Variants in AGPAT4 observed in about 807,000 individuals in gnomAD.
AGPAT4 encodes the protein 1-acyl-sn-glycerol-3-phosphate acyltransferase delta.
AGPAT4 carries 15 observed loss-of-function variants against 48.0 expected under a neutral mutation model. That is an observed-to-expected ratio of 0.31 (90% CI 0.21 to 0.48). The LOEUF (loss-of-function observed/expected upper bound fraction) is 0.48. Among genes scored for constraint, AGPAT4 ranks in the 20% least tolerant of loss-of-function variants. The probability of loss-of-function intolerance (pLI) is 0.99; values close to 1 mark genes in which losing one functional copy is unlikely to be tolerated. For synonymous variants in AGPAT4, 178 were observed against 198.7 expected (o/e 0.90, Z 0.88); for missense variants, 314 against 482.5 (o/e 0.65, Z 3.27).
intron 1 of AGPAT4, among the ~76,000 whole-genome samples, chr6:161,256,846 C>T (rs1782957515): frequency 6.6e-6 from 1 of 152,200 alleles, no homozygotes; most frequent in Admixed American, 6.5e-5. Flanking sequence ...GCCTAGGAGA[C>T]GAATAAGCCC....
In AGPAT4 at chr6:161,232,311, C is replaced by T; in HGVS notation, c.-89-9G>A. ...AGGACTCAGGAAGGCGTCTAAAACA[C>T]AAACAAATAGGAAATGTTAGCAAAA... On this transcript the variant is annotated splice_polypyrimidine_tract_variant and intron_variant, in intron 1 of 8. Coordinates refer to ENST00000320285, the MANE Select transcript of AGPAT4 (RefSeq NM_020133.3). This position sits in a 1 kb window ranked among gnomAD's most constrained non-coding sequence, Gnocchi z 6.8. The T allele has an allele frequency of 8.3e-7, 1 of 1,204,986 alleles. No individual in the cohort carries two copies. Among genetic ancestry groups the T allele is most frequent in the Non-Finnish European group, 1.1e-6 (1 of 881,492 alleles). 74.6% of individuals were successfully genotyped at this position (1,204,986 alleles called of 1,614,324 possible).
At position 161,264,449 on chromosome 6, in the gene AGPAT4, A is replaced by G. The variant is rs1270966346; in HGVS notation, c.-90+9489T>C. On this transcript the variant is annotated intron_variant, in intron 1 of 8. Coordinates refer to ENST00000320285, the MANE Select transcript of AGPAT4 (RefSeq NM_020133.3). The surrounding 1 kb of genome is among the most constrained non-coding windows in gnomAD (Gnocchi z 6.8). ...CTCCGTGAGAAGCGTGCACACTGGG[A>G]CCAATACTCCCCACTTCCAGACCTA... Among the ~76,000 whole-genome samples the G allele has an allele frequency of 6.6e-6, 1 of 152,108 alleles. No homozygotes were observed. The highest frequency in any genetic ancestry group is 1.5e-5 in the Non-Finnish European group (1 of 68,002).
At position 161,139,859 on chromosome 6, in the gene AGPAT4, T is replaced by A. The variant is rs1245897619; in HGVS notation, c.844-239A>T. Among the ~76,000 whole-genome samples, 1 of 152,178 alleles carries A rather than the reference T, an allele frequency of 6.6e-6. No homozygotes were observed. The highest frequency in any genetic ancestry group is 1.5e-5 in the Non-Finnish European group (1 of 68,020). The stretch of plus-strand genomic sequence containing the variant: ...GTGGTGGGGCCGCTGCAGCTGTCAC[T>A]GAGTGCAGGGCGTGGAGCATGAACC... On this transcript the variant is annotated intron_variant, in intron 7 of 8. Transcript: ENST00000320285. The surrounding 1 kb of genome is among the most constrained non-coding windows in gnomAD (Gnocchi z 9.1).
chr6:161,166,223 A>G lies in AGPAT4; in HGVS notation c.348+25T>C, dbSNP rs1780092257. 5 of 1,610,940 alleles carry G rather than the reference A, an allele frequency of 3.1e-6. No homozygotes were observed. The African/African-American group carries it at 6.7e-5, about 22-fold the overall frequency. ...GCTGAACCAGAGAAATGTGTGAGGC[A>G]GGGGGGAATGCACTTCTGACTTACC... On this transcript the variant is annotated intron_variant, in intron 3 of 8. Coordinates refer to ENST00000320285, the MANE Select transcript of AGPAT4 (RefSeq NM_020133.3). This position sits in a 1 kb window ranked among gnomAD's most constrained non-coding sequence, Gnocchi z 6.7.
At position 161,137,914 on chromosome 6, in the gene AGPAT4, C is replaced by T. The variant is rs1779124447; in HGVS notation, c.1043-1280G>A. ...GATGCTCCTGGAGACGCCCTGTGTC[C>T]ACACTGCACCCTGGGCAGTGCTCAG... On this transcript the variant is annotated intron_variant, in intron 8 of 8. Transcript: ENST00000320285. This position sits in a 1 kb window ranked among gnomAD's most constrained non-coding sequence, Gnocchi z 6.1. Among the ~76,000 whole-genome samples the T allele has an allele frequency of 6.6e-6, 1 of 152,050 alleles. No individual in the cohort carries two copies. Among genetic ancestry groups the T allele is most frequent in the African/African-American group, 2.4e-5 (1 of 41,314 alleles).
Position 161,149,496 on chromosome 6 carries a change from G to C in AGPAT4, c.665-207C>G, listed in dbSNP as rs1056977345. On this transcript the variant is annotated intron_variant, in intron 5 of 8. Transcript: ENST00000320285. This position sits in a 1 kb window ranked among gnomAD's most constrained non-coding sequence, Gnocchi z 6.5. ...AATCATAAAATCCCACTAGAACTTAGTAATAGAAAACAGGGTCATTGCTGA... is the reference window on the plus strand; with the variant it reads ...AATCATAAAATCCCACTAGAACTTACTAATAGAAAACAGGGTCATTGCTGA... 6.6e-6 allele frequency among the ~76,000 whole-genome samples: 1 copy of C among 152,064 alleles called. No homozygotes were observed. The highest frequency in any genetic ancestry group is 1.5e-5 in the Non-Finnish European group (1 of 67,998).
rs1173571063 is a variant in AGPAT4 at position 161,132,763 on chromosome 6, G to A, written c.*3777C>T. 1 of 152,212 alleles carries A rather than the reference G, an allele frequency of 6.6e-6. No homozygotes were observed. The highest frequency in any genetic ancestry group is 2.4e-5 in the African/African-American group (1 of 41,436). The allele number at this position is 152,212 out of a possible 1,614,324, so 9.4% of individuals were successfully genotyped here. On this transcript the variant is annotated 3_prime_UTR_variant, in exon 9 of 9. Coordinates refer to ENST00000320285, the MANE Select transcript of AGPAT4 (RefSeq NM_020133.3). ...AGGCATCGTGAGACACAGGTGTGGT[G>A]GAGGCATTATGAGGGGACTACTCCA...
In AGPAT4 at chr6:161,262,269, G is replaced by C. The variant is rs1038756484; in HGVS notation, c.-90+11669C>G. Among the ~76,000 whole-genome samples, 2 of 152,098 alleles carry C rather than the reference G, an allele frequency of 1.3e-5. No homozygotes were observed. The highest frequency in any genetic ancestry group is 4.8e-5 in the African/African-American group (2 of 41,424). ...GGGCCCAGGAAGTCCTTTTTAAAAT[G>C]CTTCCTAGGTGATCCTCATGTGCAG... is the stretch of plus-strand genomic sequence containing the variant. On this transcript the variant is annotated intron_variant, in intron 1 of 8. Transcript: ENST00000320285. The surrounding 1 kb of genome is among the most constrained non-coding windows in gnomAD (Gnocchi z 4.9).
chr6:161,199,553 C>T (rs1415917387), intron 2 of AGPAT4, among the ~76,000 whole-genome samples: 1 of 152,124 alleles, frequency 6.6e-6, no homozygotes, highest in East Asian at 1.9e-4. Flanking sequence ...TGGCCCTGGG[C>T]ATGTGATACG....
Position 161,216,624 on chromosome 6 carries a change from A to G in AGPAT4, c.178+15412T>C, listed in dbSNP as rs1484704568. ...CTGCTGAAGACATGCCCGAAACGAA[A>G]CCAAAAAAGGTTTAAAAGGTTTAAT... On this transcript the variant is annotated intron_variant, in intron 2 of 8. Transcript: ENST00000320285. This position sits in a 1 kb window ranked among gnomAD's most constrained non-coding sequence, Gnocchi z 4.8. 6.6e-6 allele frequency among the ~76,000 whole-genome samples: 1 copy of G among 152,150 alleles called. No homozygotes were observed. Among genetic ancestry groups the G allele is most frequent in the Non-Finnish European group, 1.5e-5 (1 of 68,030 alleles).
rs1247243788 is a variant in AGPAT4 at position 161,264,365 on chromosome 6, A to T, written c.-90+9573T>A. On this transcript the variant is annotated intron_variant, in intron 1 of 8. Transcript: ENST00000320285. This position sits in a 1 kb window ranked among gnomAD's most constrained non-coding sequence, Gnocchi z 6.8. ...CCTCATTCCTCTGTGGTCTAGGAAA[A>T]CTCCAGCCTCCTGCCCTGTCCCACC... is the stretch of plus-strand genomic sequence containing the variant. Among the ~76,000 whole-genome samples the T allele has an allele frequency of 6.6e-6, 1 of 151,208 alleles. No individual in the cohort carries two copies. The highest frequency in any genetic ancestry group is 1.5e-5 in the Non-Finnish European group (1 of 67,786).
rs770490075 is a variant in AGPAT4 at position 161,219,916 on chromosome 6, C to CAGGCAGGCAGGCGGCA, written c.178+12119_178+12120insTGCCGCCTGCCTGCCT. Among the ~76,000 whole-genome samples, 216 of 106,010 alleles carry CAGGCAGGCAGGCGGCA rather than the reference C, an allele frequency of 2.0e-3. No homozygotes were observed. Among genetic ancestry groups the CAGGCAGGCAGGCGGCA allele is most frequent in the Admixed American group, 3.3e-3 (36 of 10,808 alleles). The allele number at this position is 106,010 out of a possible 152,430, so 69.5% of individuals were successfully genotyped here. A position where few individuals can be genotyped will look rare whatever the true frequency, so the allele number is the denominator to read the frequency against. On this transcript the variant is annotated intron_variant, in intron 2 of 8. Coordinates refer to ENST00000320285, the MANE Select transcript of AGPAT4 (RefSeq NM_020133.3). This position sits in a 1 kb window ranked among gnomAD's most constrained non-coding sequence, Gnocchi z 4.9. ...GCAGGCAGGCAGGCAGGCAGGCAGG[C>CAGGCAGGCAGGCGGCA]GGCAGGCAGGCAGGCAGGCAGGCAG...
At chr6:161,250,411 C>G (rs766182145) in intron 1 of AGPAT4, among the ~76,000 whole-genome samples, 70 of 152,154 alleles carry the variant, frequency 4.6e-4, no homozygotes, top group Non-Finnish European at 8.1e-4. Context: ...TCTTTTCTAG[C>G]CTTTAATGTG....
chr6:161,149,406 G>T lies in AGPAT4; in HGVS notation c.665-117C>A. 2 of 848,630 alleles carry T rather than the reference G, an allele frequency of 2.4e-6. No homozygotes were observed. Among genetic ancestry groups the T allele is most frequent in the Non-Finnish European group, 3.5e-6 (2 of 575,216 alleles). The allele number at this position is 848,630 out of a possible 1,614,324, so 52.6% of individuals were successfully genotyped here. On this transcript the variant is annotated intron_variant, in intron 5 of 8. Transcript: ENST00000320285. This position sits in a 1 kb window ranked among gnomAD's most constrained non-coding sequence, Gnocchi z 6.5. Reference sequence around the variant, plus strand: ...GGCTAACTGCTTATCTAGAAATGGTGTGGTCAGATTTCTTTCTTTCTATAT... The same window carrying T: ...GGCTAACTGCTTATCTAGAAATGGTTTGGTCAGATTTCTTTCTTTCTATAT...
At position 161,246,590 on chromosome 6, in the gene AGPAT4, G is replaced by A. The variant is rs766410917; in HGVS notation, c.-89-14288C>T. Among the ~76,000 whole-genome samples, 79 of 152,106 alleles carry A rather than the reference G, an allele frequency of 5.2e-4. No individual in the cohort carries two copies. The highest frequency in any genetic ancestry group is 3.4e-3 in the Middle Eastern group (1 of 294). On this transcript the variant is annotated intron_variant, in intron 1 of 8. Transcript: ENST00000320285. This position sits in a 1 kb window ranked among gnomAD's most constrained non-coding sequence, Gnocchi z 5.5. ...ACGCCCAGCTAATTTTGTATTTTTA[G>A]TCTAGATGGGGTTTCTCCATGTTGG...
chr6:161,272,708 A>ACACACG lies in AGPAT4; in HGVS notation c.-90+1229_-90+1230insCGTGTG, dbSNP rs1783463828. ...CTGCCCGCCTCCCATTTCCCTAAAC[A>ACACACG]CACACACACACACACACACACACAA... On this transcript the variant is annotated intron_variant, in intron 1 of 8. Transcript: ENST00000320285. The surrounding 1 kb of genome is among the most constrained non-coding windows in gnomAD (Gnocchi z 4.2). Among the ~76,000 whole-genome samples, 1 of 147,886 alleles carries ACACACG rather than the reference A, an allele frequency of 6.8e-6. No homozygotes were observed. The highest frequency in any genetic ancestry group is 6.7e-5 in the Admixed American group (1 of 14,862).
rs1164842201 is a variant in AGPAT4 at position 161,266,657 on chromosome 6, C to T, written c.-90+7281G>A. On this transcript the variant is annotated intron_variant, in intron 1 of 8. Transcript: ENST00000320285. This position sits in a 1 kb window ranked among gnomAD's most constrained non-coding sequence, Gnocchi z 6.2. ...GCTCACCATCCGCCTTGCAACCTGC[C>T]CTTCCCCCAGCAGAAAAGAGACAAG... Among the ~76,000 whole-genome samples, 2 of 152,106 alleles carry T rather than the reference C, an allele frequency of 1.3e-5. No homozygotes were observed. The highest frequency in any genetic ancestry group is 4.8e-5 in the African/African-American group (2 of 41,410).
Position 161,189,159 on chromosome 6 carries a change from C to T in AGPAT4, c.179-22742G>A, listed in dbSNP as rs2114999655. 6.6e-6 allele frequency among the ~76,000 whole-genome samples: 1 copy of T among 152,316 alleles called. No homozygotes were observed. Among genetic ancestry groups the T allele is most frequent in the East Asian group, 1.9e-4 (1 of 5,184 alleles). ...AGCTTTATCTAATCAAGCTATGAGG[C>T]TGGTGAGTGGGCATGCAACAGTGTT... On this transcript the variant is annotated intron_variant, in intron 2 of 8. Coordinates refer to ENST00000320285, the MANE Select transcript of AGPAT4 (RefSeq NM_020133.3). This position sits in a 1 kb window ranked among gnomAD's most constrained non-coding sequence, Gnocchi z 5.3.
Position 161,229,601 on chromosome 6 carries a change from G to A in AGPAT4, c.178+2435C>T, listed in dbSNP as rs865847903. Among the ~76,000 whole-genome samples the A allele has an allele frequency of 3.9e-5, 6 of 152,096 alleles. No homozygotes were observed. Among genetic ancestry groups the A allele is most frequent in the Non-Finnish European group, 5.9e-5 (4 of 68,006 alleles). On this transcript the variant is annotated intron_variant, in intron 2 of 8. Transcript: ENST00000320285. This position sits in a 1 kb window ranked among gnomAD's most constrained non-coding sequence, Gnocchi z 6.0. ...TAACACCTATGGGGATACCAGAAAC[G>A]GAGAATCCTGGCGAGGATTCTCTCA...
Sources: gnomAD v4.1 joint callset for allele counts (sites outside exome capture counted in the v4.1 genomes callset) on GRCh38, gnomAD v4.1.1 for gene constraint, Gnocchi (gnomAD v3.1) non-coding constraint, MANE v1.5 for transcripts, NCBI Gene and HGNC (gene_info 2026-07-23, HGNC 2026-07-21) for gene names.